KAZN: variants seen among roughly 807,000 people sequenced by gnomAD.
The protein encoded by KAZN is kazrin, periplakin interacting protein.
A neutral mutation model predicts 87.4 loss-of-function variants in KAZN; 40 were observed. The observed-to-expected ratio is 0.46, with a 90% CI of 0.36 to 0.60. The LOEUF (loss-of-function observed/expected upper bound fraction) is 0.60, where lower values mean the gene tolerates loss of function less well. Ranked by LOEUF, KAZN falls within the 20% of genes least tolerant of loss-of-function variation. The probability of loss-of-function intolerance (pLI) is 0.00; values close to 1 mark genes in which losing one functional copy is unlikely to be tolerated. For synonymous variants in KAZN, 466 were observed against 458.3 expected, an observed-to-expected ratio of 1.02 and a Z score of -0.22; for missense variants, 898 against 1,073.9, an observed-to-expected ratio of 0.84 and a Z score of 2.29.
At chr1:15,028,091 G>A (rs1281220382) in intron 2 of KAZN, among the ~76,000 whole-genome samples, 1 of 152,198 alleles carries the variant, frequency 6.6e-6, no homozygotes, top group Non-Finnish European at 1.5e-5. Flanking sequence ...CCAGCTCAGA[G>A]ACGTGCCATC....
intron 2 of KAZN, among the ~76,000 whole-genome samples, chr1:14,980,259 T>C (rs969975758): frequency 6.6e-6 from 1 of 152,152 alleles, no homozygotes. Flanking sequence ...GGCCGTATCA[T>C]TTGTTGTTTA....
intron 2 of KAZN, among the ~76,000 whole-genome samples, chr1:14,491,309 T>C (rs547788993): frequency 5.3e-5 from 8 of 152,330 alleles, no homozygotes; most frequent in Non-Finnish European, 1.2e-4. Flanking sequence ...ACTCTTTTTT[T>C]ATTATTGTTA....
At chr1:14,301,576 G>A (rs1482876426) in intron 2 of KAZN, among the ~76,000 whole-genome samples, 1 of 152,196 alleles carries the variant, frequency 6.6e-6, no homozygotes, top group Non-Finnish European at 1.5e-5. Context: ...TTGACAAGGC[G>A]GCTCTGCCTG....
chr1:15,036,366 TCCCCTGCCCTGCCTGCCCAGCTC>T (rs943659340), intron 3 of KAZN, among the ~76,000 whole-genome samples: 1 of 38,610 alleles, frequency 2.6e-5, no homozygotes, highest in South Asian at 7.3e-4. Flanking sequence ...GGCCCAGCCC[TCCCCTGCCCTGCCTGCCCAGCTC>T]CCCCTGCCCT....
At chr1:15,065,810 T>C in intron 8 of KAZN, 57 bp downstream of exon 8, 1 of 1,594,280 alleles carries the variant, frequency 6.3e-7, no homozygotes, top group Non-Finnish European at 8.6e-7. Context: ...CGCGCTCCCC[T>C]GCGCCTGCTG....
chr1:14,307,662 G>A (rs112049716), intron 2 of KAZN, among the ~76,000 whole-genome samples: 2,904 of 152,260 alleles, frequency 0.019, 99 homozygotes, highest in African/African-American at 0.067. Flanking sequence ...GCCCAAGACA[G>A]AGTCTCCATC....
chr1:15,001,249 G>A lies in KAZN; in HGVS notation c.419-33500G>A, dbSNP rs1279112461. ...GGCTGACGCGGGTGGATCACTTGAA[G>A]TCAGGAGTTTAAGACCAGCCTGGCC... On this transcript the variant is annotated intron_variant, in intron 2 of 14. Transcript: ENST00000376030. Among the ~76,000 whole-genome samples the A allele has an allele frequency of 1.3e-4, 19 of 151,104 alleles. No homozygotes were observed. In the East Asian group the frequency reaches 3.7e-3, roughly 29 times the overall value.
chr1:14,775,350 G>C (rs950908727), intron 1 of KAZN, among the ~76,000 whole-genome samples: 2 of 152,242 alleles, frequency 1.3e-5, no homozygotes, highest in African/African-American at 2.4e-5. Flanking sequence ...TGAGCATTCT[G>C]TTGTTCCAGC....
At chr1:14,893,226 C>T (rs755407438) in intron 1 of KAZN, among the ~76,000 whole-genome samples, 10 of 151,972 alleles carry the variant, frequency 6.6e-5, no homozygotes, top group South Asian at 2.1e-4. Flanking sequence ...TGTAGCTGGG[C>T]GTGGTGGCTC....
intron 2 of KAZN, among the ~76,000 whole-genome samples, chr1:14,186,330 C>A (rs1428395758): frequency 6.6e-6 from 1 of 152,036 alleles, no homozygotes; most frequent in Non-Finnish European, 1.5e-5. Context: ...GGTGAGGATT[C>A]GGTTAGGATT....
At chr1:14,405,370 T>A (rs1663752331) in intron 2 of KAZN, among the ~76,000 whole-genome samples, 1 of 152,182 alleles carries the variant, frequency 6.6e-6, no homozygotes, top group African/African-American at 2.4e-5. Context: ...ATATAGATTT[T>A]CAGGAAAGCC....
chr1:14,669,215 G>C (rs1303139435), intron 1 of KAZN, among the ~76,000 whole-genome samples: 1 of 152,128 alleles, frequency 6.6e-6, no homozygotes, highest in Non-Finnish European at 1.5e-5. Flanking sequence ...GATGGATTTT[G>C]TTAGCATCTC....
chr1:14,661,958 A>C (rs1229253770), intron 1 of KAZN, among the ~76,000 whole-genome samples: 2 of 152,212 alleles, frequency 1.3e-5, no homozygotes, highest in African/African-American at 4.8e-5. Flanking sequence ...GGCCTGGGGT[A>C]GAATCATAGC....
intron 2 of KAZN, among the ~76,000 whole-genome samples, chr1:14,419,593 T>A (rs1369298003): frequency 6.6e-6 from 1 of 152,176 alleles, no homozygotes; most frequent in Non-Finnish European, 1.5e-5. Flanking sequence ...CCCTCGCGAT[T>A]TGAGTGTTAC....
intron 1 of KAZN, among the ~76,000 whole-genome samples, chr1:14,048,431 T>C (rs1273811327): frequency 2.7e-5 from 4 of 149,872 alleles, no homozygotes; most frequent in Non-Finnish European, 5.9e-5. Context: ...TGAGATAGAG[T>C]CTTGCTCTGT....
At chr1:14,346,072 A>AG (rs1658083521) in intron 2 of KAZN, among the ~76,000 whole-genome samples, 1 of 152,236 alleles carries the variant, frequency 6.6e-6, no homozygotes, top group Non-Finnish European at 1.5e-5. Context: ...ATTGGCCACT[A>AG]GAAGTTTCCT....
chr1:14,206,249 TTTTG>T (rs1337698718), intron 2 of KAZN, among the ~76,000 whole-genome samples: 1 of 152,164 alleles, frequency 6.6e-6, no homozygotes, highest in Non-Finnish European at 1.5e-5. Flanking sequence ...TCAGCTGACT[TTTTG>T]TTTTTTTCTT....
chr1:14,383,007 C>T (rs1571464739), intron 2 of KAZN, among the ~76,000 whole-genome samples: 2 of 150,764 alleles, frequency 1.3e-5, no homozygotes, highest in East Asian at 2.0e-4. Flanking sequence ...TAATGATTGC[C>T]ATTCTAACTG....
intron 2 of KAZN, among the ~76,000 whole-genome samples, chr1:14,548,094 G>A (rs1241680964): frequency 6.6e-6 from 1 of 150,972 alleles, no homozygotes; most frequent in East Asian, 1.9e-4. Flanking sequence ...TTTTAAGAAA[G>A]TTTACGAAAT....
Sources: allele counts gnomAD v4.1 joint callset (sites outside exome capture counted in the v4.1 genomes callset), GRCh38; gene constraint gnomAD v4.1.1; transcripts MANE v1.5; gene names NCBI Gene and HGNC (gene_info 2026-07-23, HGNC 2026-07-21).